Variants in DDB1 observed in about 807,000 individuals in gnomAD.
DDB1 encodes damage specific DNA binding protein 1, also known as DNA damage-binding protein 1.
A neutral mutation model predicts 133.1 loss-of-function variants in DDB1; 18 were observed. The ratio of observed to expected loss-of-function variants is 0.14; its 90% CI spans 0.09 to 0.20. The LOEUF (loss-of-function observed/expected upper bound fraction) is 0.20. Ranked by LOEUF, DDB1 falls within the 10% of genes least tolerant of loss-of-function variation. The pLI is 1.00. For synonymous variants in DDB1, 580 were observed against 550.5 expected (o/e 1.05, Z -0.75); for missense variants, 828 against 1,459.2 (o/e 0.57, Z 7.05).
chr11:61,323,328 T>C (rs1856215859), intron 7 of DDB1: 1 of 535,570 alleles, frequency 1.9e-6, no homozygotes, highest in Non-Finnish European at 3.4e-6. Context: ...GTCTTGCATA[T>C]TCCTGCTCCA....
At chr11:61,314,735 T>C (rs981140038) in intron 12 of DDB1, 1 of 408,122 alleles carries the variant, frequency 2.5e-6, no homozygotes, top group Non-Finnish European at 4.3e-6. Context: ...GCCTATTTCA[T>C]TCTAATTGAG....
intron 9 of DDB1, chr11:61,321,975 G>C: frequency 1.8e-6 from 1 of 543,394 alleles, no homozygotes; most frequent in Non-Finnish European, 3.3e-6. Context: ...CACAGGATCT[G>C]TTAGATACAC....
In DDB1 at chr11:61,316,404, A is replaced by G; in HGVS notation, c.1302-11T>C. On this transcript the variant is annotated splice_polypyrimidine_tract_variant and intron_variant, in intron 11 of 26. Transcript: ENST00000301764. Reference sequence around the variant, plus strand: ...TTTAACATGAGAACTCTGCAGCAGAATGGAGGGCCTGGGTCAGCCTGGGAC... The same window carrying G: ...TTTAACATGAGAACTCTGCAGCAGAGTGGAGGGCCTGGGTCAGCCTGGGAC... 6.2e-7 allele frequency: 1 copy of G among 1,613,936 alleles called. No individual in the cohort carries two copies. The highest frequency in any genetic ancestry group is 8.5e-7 in the Non-Finnish European group (1 of 1,179,832).
At chr11:61,301,176 AT>A (rs1380386060) in intron 25 of DDB1, 3 of 491,278 alleles carry the variant, frequency 6.1e-6, no homozygotes, top group Admixed American at 7.0e-5. Flanking sequence ...ATCAGAGTCT[AT>A]TAATGTGAAG....
intron 7 of DDB1, 77 bp from the exon 8 acceptor site, chr11:61,323,171 A>G (rs1297920737): frequency 4.2e-6 from 5 of 1,184,176 alleles, no homozygotes; most frequent in Non-Finnish European, 5.0e-6. Context: ...CATCTCAGAC[A>G]TCTGCTGAGA....
At chr11:61,330,784 T>C (rs28720255) in intron 2 of DDB1, among the ~76,000 whole-genome samples, 6,652 of 152,150 alleles carry the variant, frequency 0.044, 443 homozygotes, top group African/African-American at 0.14. Context: ...GCCTGCCAAG[T>C]AGCTGGGATT....
chr11:61,304,080 C>G (rs1216727054), intron 21 of DDB1, 45 bp from the exon 22 acceptor site: 1 of 1,604,134 alleles, frequency 6.2e-7, no homozygotes, highest in Non-Finnish European at 8.5e-7. Flanking sequence ...CCAGAGCTCT[C>G]TCAGAATGAC....
intron 6 of DDB1, chr11:61,324,382 G>A (rs1351305250): frequency 1.9e-5 from 8 of 423,184 alleles, no homozygotes; most frequent in Middle Eastern, 6.7e-4. Context: ...CTGATATGTC[G>A]TCATTCTGCA....
At chr11:61,329,288 G>T in intron 4 of DDB1, 75 bp downstream of exon 4, 1 of 1,345,046 alleles carries the variant, frequency 7.4e-7, no homozygotes, top group Non-Finnish European at 1.1e-6. Flanking sequence ...ACCAAACCCA[G>T]ACATGCCAGT....
At chr11:61,326,007 C>A (rs1237523351) in intron 5 of DDB1, 3 of 456,616 alleles carry the variant, frequency 6.6e-6, no homozygotes, top group Non-Finnish European at 1.2e-5. Flanking sequence ...TTCTTCTCAA[C>A]TTCTAATCCT....
In DDB1 at chr11:61,316,959, A is replaced by G. The variant is rs1382810958; in HGVS notation, c.1226-392T>C. Among the ~76,000 whole-genome samples the G allele has an allele frequency of 1.9e-3, 48 of 25,662 alleles. 5 individuals are homozygous for G. Among genetic ancestry groups the G allele is most frequent in the African/African-American group, 4.2e-3 (45 of 10,630 alleles). 16.8% of individuals were successfully genotyped at this position (25,662 alleles called of 152,430 possible). A position where few individuals can be genotyped will look rare whatever the true frequency, so the allele number is the denominator to read the frequency against. On this transcript the variant is annotated intron_variant, in intron 10 of 26. Transcript: ENST00000301764. ...AAAAAAAGGATAGATATATATATAT[A>G]TATATATATATATATATATATATAT...
chr11:61,330,456 G>A (rs1354174676), intron 2 of DDB1, among the ~76,000 whole-genome samples: 5 of 152,102 alleles, frequency 3.3e-5, no homozygotes, highest in African/African-American at 7.2e-5. Flanking sequence ...GAATAACAAC[G>A]GAAGCTAAAA....
rs750382745 is a variant in DDB1 at position 61,316,309 on chromosome 11, G to A, written c.1386C>T (p.Asn462=). ...VDDQQTFFCG[N]VAHQQLIQIT... ...CCTGGATAAGCTGCTGATGAGCCACGTTGCCACAGAAGAAAGTCTGCTGAT... is the reference window on the plus strand; with the variant it reads ...CCTGGATAAGCTGCTGATGAGCCACATTGCCACAGAAGAAAGTCTGCTGAT... Residue 462 remains asparagine, a synonymous_variant, in exon 12 of 27, where the codon AAC becomes AAT. Coordinates refer to ENST00000301764, the MANE Select transcript of DDB1 (RefSeq NM_001923.5). 1.6e-5 allele frequency: 26 copies of A among 1,614,126 alleles called. No homozygotes were observed. The Admixed American group carries it at 2.2e-4, about 13-fold the overall frequency.
intron 21 of DDB1, among the ~76,000 whole-genome samples, chr11:61,307,835 C>T (rs1031391318): frequency 2.6e-5 from 4 of 152,036 alleles, no homozygotes; most frequent in African/African-American, 9.7e-5. Context: ...ATTCCTCTGC[C>T]TCTCACATCT....
chr11:61,321,474 C>T (rs1380269694), intron 10 of DDB1, 121 bp downstream of exon 10: 11 of 609,480 alleles, frequency 1.8e-5, no homozygotes, highest in East Asian at 3.7e-5. Context: ...TCTGTTGTTA[C>T]GACTTTCACT....
intron 1 of DDB1, chr11:61,332,637 CCT>C (rs1466798291): frequency 5.4e-6 from 2 of 369,428 alleles, no homozygotes; most frequent in South Asian, 1.1e-4. Context: ...AACTCACACT[CCT>C]CTGTCTCACT....
chr11:61,313,207 G>A lies in DDB1; in HGVS notation c.2069+292C>T, dbSNP rs556269899. Reference sequence around the variant, plus strand: ...TTCCTGCTCTAGAGGGACACAAAATGATCTCTAAATTAGGGATTATGAAAC... The same window carrying A: ...TTCCTGCTCTAGAGGGACACAAAATAATCTCTAAATTAGGGATTATGAAAC... On this transcript the variant is annotated intron_variant, in intron 16 of 26. Transcript: ENST00000301764. 3.9e-5 allele frequency among the ~76,000 whole-genome samples: 6 copies of A among 152,314 alleles called. No homozygotes were observed. In the South Asian group the frequency reaches 8.3e-4, roughly 21 times the overall value.
chr11:61,318,503 T>C (rs771828125), intron 10 of DDB1, among the ~76,000 whole-genome samples: 25 of 152,198 alleles, frequency 1.6e-4, no homozygotes, highest in African/African-American at 5.8e-4. Flanking sequence ...GGTGTTAATG[T>C]GCATTTCTCA....
intron 7 of DDB1, 73 bp from the exon 8 acceptor site, chr11:61,323,167 A>AGCAGATGTCT: frequency 1.6e-6 from 2 of 1,234,126 alleles, no homozygotes; most frequent in Non-Finnish European, 2.4e-6. Flanking sequence ...CCCACATCTC[A>AGCAGATGTCT]GACATCTGCT....
Sources: allele counts gnomAD v4.1 joint callset (sites outside exome capture counted in the v4.1 genomes callset), GRCh38; gene constraint gnomAD v4.1.1; transcripts MANE v1.5; gene names NCBI Gene and HGNC (gene_info 2026-07-23, HGNC 2026-07-21).